The following DCC variants were observed in gnomAD, a reference collection of about 807,000 sequenced individuals.
The protein encoded by DCC is DCC netrin 1 receptor.
DCC carries 58 observed loss-of-function variants against 172.5 expected under a neutral mutation model. The ratio of observed to expected loss-of-function variants is 0.34; its 90% CI spans 0.27 to 0.42. DCC has a LOEUF of 0.42. Ranked by LOEUF, DCC falls within the 10% of genes least tolerant of loss-of-function variation. The pLI is 1.00. For missense variants in DCC, 1,740 were observed against 1,791.0 expected (o/e 0.97, Z 0.51); for synonymous variants, 709 against 644.5 (o/e 1.10, Z -1.52).
chr18:52,426,294 GA>G (rs1209795439), intron 1 of DCC, among the ~76,000 whole-genome samples: 1 of 118,334 alleles, frequency 8.5e-6, no homozygotes, highest in Admixed American at 9.2e-5. Flanking sequence ...TGTAGTGCCA[GA>G]ATTTTTTTTT....
chr18:53,071,877 C>A (rs1418342820), intron 7 of DCC, among the ~76,000 whole-genome samples: 1 of 152,060 alleles, frequency 6.6e-6, no homozygotes, highest in Non-Finnish European at 1.5e-5. Flanking sequence ...GCCTGTAATC[C>A]CAGCACCTTG....
chr18:53,517,454 T>TAAG (rs2046349391), intron 27 of DCC, among the ~76,000 whole-genome samples: 1 of 146,930 alleles, frequency 6.8e-6, no homozygotes, highest in Non-Finnish European at 1.5e-5. Context: ...ATAATAATAA[T>TAAG]AATAATAATA....
chr18:53,279,888 A>T (rs942681185), intron 12 of DCC, among the ~76,000 whole-genome samples: 1 of 152,092 alleles, frequency 6.6e-6, no homozygotes, highest in African/African-American at 2.4e-5. Flanking sequence ...GTAAACATTG[A>T]GTGCACATAG....
intron 13 of DCC, among the ~76,000 whole-genome samples, chr18:53,315,418 A>G (rs1183597019): frequency 2.0e-5 from 3 of 152,206 alleles, no homozygotes; most frequent in Non-Finnish European, 4.4e-5. Context: ...TGCTGCAATA[A>G]ACATACATGT....
At chr18:53,105,779 G>T (rs1034694954) in intron 7 of DCC, among the ~76,000 whole-genome samples, 1 of 151,662 alleles carries the variant, frequency 6.6e-6, no homozygotes, top group African/African-American at 2.4e-5. Flanking sequence ...GCAGCGAATA[G>T]GTTATTTTCT....
chr18:52,836,626 G>A (rs995375366), intron 2 of DCC, among the ~76,000 whole-genome samples: 3 of 152,374 alleles, frequency 2.0e-5, no homozygotes, highest in South Asian at 2.1e-4. Context: ...AGGTCTTGCT[G>A]ATGCAAGAGG....
intron 7 of DCC, among the ~76,000 whole-genome samples, chr18:53,108,054 T>C (rs1010896484): frequency 3.3e-5 from 5 of 151,788 alleles, no homozygotes; most frequent in Non-Finnish European, 7.4e-5. Context: ...ACTCAACGTA[T>C]TTTTCAGAAA....
At chr18:53,346,931 G>C (rs1023059869) in intron 15 of DCC, among the ~76,000 whole-genome samples, 1 of 152,054 alleles carries the variant, frequency 6.6e-6, no homozygotes, top group African/African-American at 2.4e-5. Flanking sequence ...GTTTTAGAAG[G>C]CAATCAACAG....
At chr18:53,319,544 A>G (rs1330559542) in intron 13 of DCC, among the ~76,000 whole-genome samples, 1 of 152,272 alleles carries the variant, frequency 6.6e-6, no homozygotes, top group African/African-American at 2.4e-5. Flanking sequence ...AGTTGTTAGC[A>G]GACTTTGCTT....
At chr18:52,569,912 A>T (rs1223126222) in intron 1 of DCC, among the ~76,000 whole-genome samples, 1 of 152,218 alleles carries the variant, frequency 6.6e-6, no homozygotes, top group Admixed American at 6.5e-5. Flanking sequence ...GTATACTCAA[A>T]ATAAGTTAGA....
rs546090916 is a variant in DCC at position 53,145,691 on chromosome 18, CTG to C, written c.1262-11663_1262-11662del. On this transcript the variant is annotated intron_variant, in intron 7 of 28. Transcript: ENST00000442544. ...TTACTTTTAGAACTGGATAGTGAAT[CTG>C]TCATTGAGTTCCAAATTCTGTCCCA... 3.5e-3 allele frequency among the ~76,000 whole-genome samples: 534 copies of C among 152,254 alleles called. 1 individual carries two copies. The highest frequency in any genetic ancestry group is 0.012 in the African/African-American group (500 of 41,532).
intron 1 of DCC, among the ~76,000 whole-genome samples, chr18:52,687,475 A>C (rs1290270871): frequency 2.0e-5 from 3 of 151,738 alleles, no homozygotes; most frequent in African/African-American, 7.3e-5. Flanking sequence ...AGTAAAGACA[A>C]GGTTTCACCA....
At chr18:52,956,456 A>G (rs1271465238) in intron 5 of DCC, among the ~76,000 whole-genome samples, 1 of 152,068 alleles carries the variant, frequency 6.6e-6, no homozygotes, top group Non-Finnish European at 1.5e-5. Flanking sequence ...TTTTACCAAT[A>G]CCATACTGTC....
At chr18:52,838,953 CT>C (rs1258700682) in intron 2 of DCC, among the ~76,000 whole-genome samples, 1 of 152,034 alleles carries the variant, frequency 6.6e-6, no homozygotes, top group African/African-American at 2.4e-5. Flanking sequence ...AAGAAAACAG[CT>C]TGAGTAAAGA....
At chr18:52,672,815 C>T (rs527617279) in intron 1 of DCC, among the ~76,000 whole-genome samples, 51 of 152,248 alleles carry the variant, frequency 3.3e-4, no homozygotes, top group South Asian at 1.5e-3. Flanking sequence ...TGCCTATAAT[C>T]CCAACACTTT....
intron 2 of DCC, among the ~76,000 whole-genome samples, chr18:52,790,449 C>CT: frequency 6.6e-6 from 1 of 152,140 alleles, no homozygotes; most frequent in Non-Finnish European, 1.5e-5. Flanking sequence ...GGCCAAAAGC[C>CT]TGAATGGTAA....
intron 2 of DCC, among the ~76,000 whole-genome samples, chr18:52,823,327 A>G (rs2038444161): frequency 6.6e-6 from 1 of 152,170 alleles, no homozygotes; most frequent in Admixed American, 6.6e-5. Flanking sequence ...ACTCTACTGA[A>G]TTCTGGGTGG....
chr18:52,557,738 C>A (rs1159809631), intron 1 of DCC, among the ~76,000 whole-genome samples: 1 of 152,196 alleles, frequency 6.6e-6, no homozygotes, highest in Non-Finnish European at 1.5e-5. Context: ...TGGTTCACTG[C>A]AACTTCTGCC....
chr18:53,468,380 T>TTTTATTTA (rs778617338), intron 25 of DCC, among the ~76,000 whole-genome samples: 18 of 135,172 alleles, frequency 1.3e-4, no homozygotes, highest in East Asian at 8.1e-4. Flanking sequence ...TATTTATTTA[T>TTTTATTTA]TTTATTTATT....
Sources: gnomAD v4.1 joint callset for allele counts (sites outside exome capture counted in the v4.1 genomes callset) on GRCh38, gnomAD v4.1.1 for gene constraint, MANE v1.5 for transcripts, NCBI Gene and HGNC (gene_info 2026-07-23, HGNC 2026-07-21) for gene names.